Variants in TJP1 observed in about 807,000 individuals in gnomAD.
The protein encoded by TJP1 is tight junction protein 1.
In TJP1, 43 loss-of-function variants were observed where a neutral mutation model predicts 194.2. That is an observed-to-expected ratio of 0.22 (90% confidence interval 0.17 to 0.29). TJP1 has a LOEUF of 0.29. Ranked by LOEUF, TJP1 falls within the 10% of genes least tolerant of loss-of-function variation. The probability of loss-of-function intolerance (pLI) is 1.00; values close to 1 mark genes in which losing one functional copy is unlikely to be tolerated. For synonymous variants in TJP1, 801 were observed against 779.0 expected (o/e 1.03, Z -0.47); for missense variants, 1,971 against 2,185.7 (o/e 0.90, Z 1.96).
chr15:29,793,504 G>A (rs183041356), intron 2 of TJP1, among the ~76,000 whole-genome samples: 2 of 152,268 alleles, frequency 1.3e-5, no homozygotes, highest in Admixed American at 1.3e-4. Context: ...CTATTCTGCA[G>A]GCTGTACAGC....
In TJP1 at chr15:29,935,443, G is replaced by A. The variant is rs1013081094; in HGVS notation, c.306+20789C>T. On this transcript the variant is annotated intron_variant, in intron 2 of 28. Coordinates refer to the TJP1 transcript ENST00000356107. Reference sequence around the variant, plus strand: ...AGGTGCTGGTAGCTTTAGAAATGTCGCCGGAGCAGCATGAAATTAGCCATG... The same window carrying A: ...AGGTGCTGGTAGCTTTAGAAATGTCACCGGAGCAGCATGAAATTAGCCATG... Among the ~76,000 whole-genome samples, 14 of 151,980 alleles carry A rather than the reference G, an allele frequency of 9.2e-5. No homozygotes were observed. In the East Asian group the frequency reaches 1.5e-3, roughly 17 times the overall value.
At chr15:29,853,374 G>A (rs1426608351) in intron 2 of TJP1, among the ~76,000 whole-genome samples, 1 of 152,166 alleles carries the variant, frequency 6.6e-6, no homozygotes, top group African/African-American at 2.4e-5. Context: ...AGGTGATACT[G>A]TACAGAACTT....
At position 29,719,993 on chromosome 15, in the gene TJP1, G is replaced by C; in HGVS notation, c.2787C>G (p.Val929=). The change falls in exon 20 of 28, where the codon GTC becomes GTG. Residue 929 remains valine, a synonymous_variant. Transcript: ENST00000614355. ...SQQKAEASSP[V]PYLSPETNPA... is the part of the protein sequence containing the mutation. ...GGTTTGTTTCAGGCGAAAGGTAAGGGACTGGAGATGAAGCTTCTGCTTTCT... is the reference window on the plus strand; with the variant it reads ...GGTTTGTTTCAGGCGAAAGGTAAGGCACTGGAGATGAAGCTTCTGCTTTCT... 6.2e-7 allele frequency: 1 copy of C among 1,611,264 alleles called. No individual in the cohort carries two copies. Among genetic ancestry groups the C allele is most frequent in the Non-Finnish European group, 8.5e-7 (1 of 1,179,136 alleles).
chr15:29,854,850 A>T (rs905425751), intron 2 of TJP1, among the ~76,000 whole-genome samples: 4 of 152,316 alleles, frequency 2.6e-5, no homozygotes, highest in East Asian at 1.9e-4. Context: ...CTGGCCTTGA[A>T]TTCAGAATAA....
At chr15:29,822,477 G>T (rs1333580158), upstream of TJP1, 24 of 984,772 alleles carry the variant, frequency 2.4e-5, no homozygotes, top group African/African-American at 1.8e-5. Flanking sequence ...ACGCAAACCT[G>T]CCGGCCCGGC....
At chr15:29,823,600 G>A (rs1286545862), upstream of TJP1, 3 of 152,158 alleles carry the variant, frequency 2.0e-5, no homozygotes, top group South Asian at 2.1e-4. Context: ...AGTATGTGTA[G>A]GTGATACATA....
intron 2 of TJP1, among the ~76,000 whole-genome samples, chr15:29,932,096 G>C (rs1400630515): frequency 6.6e-6 from 1 of 152,120 alleles, no homozygotes; most frequent in East Asian, 1.9e-4. Flanking sequence ...TGTATCTTGT[G>C]CTGTCTCCTG....
Position 29,811,718 on chromosome 15 carries a change from A to T in TJP1, c.27+10284T>A, listed in dbSNP as rs182026997. Among the ~76,000 whole-genome samples the T allele has an allele frequency of 6.0e-5, 9 of 150,766 alleles. No individual in the cohort carries two copies. In the Admixed American group the frequency reaches 6.0e-4, roughly 10 times the overall value. On this transcript the variant is annotated intron_variant, in intron 1 of 27. Transcript: ENST00000614355. ...CAAGGAACCTTCCTCTGAAACCATAAAACATCTTGCTGGGCTGAAACTACT... is the reference window on the plus strand; with the variant it reads ...CAAGGAACCTTCCTCTGAAACCATATAACATCTTGCTGGGCTGAAACTACT...
chr15:29,930,965 G>A (rs1445944803), intron 2 of TJP1, among the ~76,000 whole-genome samples: 2 of 152,134 alleles, frequency 1.3e-5, no homozygotes, highest in South Asian at 2.1e-4. Flanking sequence ...AGCGTTAGGA[G>A]TGCTGACCTT....
At chr15:29,875,785 C>T (rs1447017027) in intron 2 of TJP1, among the ~76,000 whole-genome samples, 1 of 152,048 alleles carries the variant, frequency 6.6e-6, no homozygotes, top group African/African-American at 2.4e-5. Context: ...AGGCTGGTCT[C>T]GAACCCCTGA....
intron 1 of TJP1, among the ~76,000 whole-genome samples, chr15:29,803,502 T>C (rs1328245018): frequency 1.3e-5 from 2 of 152,162 alleles, no homozygotes; most frequent in Non-Finnish European, 2.9e-5. Context: ...TTGGGTGTAT[T>C]AAATGCATTT....
chr15:29,745,694 T>C (rs1396847866), intron 8 of TJP1, among the ~76,000 whole-genome samples: 2 of 152,162 alleles, frequency 1.3e-5, no homozygotes, highest in African/African-American at 2.4e-5. Flanking sequence ...ACCAGCACAG[T>C]ACATGAAATC....
intron 8 of TJP1, among the ~76,000 whole-genome samples, chr15:29,748,042 A>G (rs1232768300): frequency 6.6e-6 from 1 of 152,208 alleles, no homozygotes; most frequent in East Asian, 1.9e-4. Context: ...CTACCAAAAG[A>G]TGGAGGCATT....
chr15:29,773,495 G>C, intron 2 of TJP1, 138 bp from the exon 3 acceptor site: 1 of 755,676 alleles, frequency 1.3e-6, no homozygotes, highest in Non-Finnish European at 2.1e-6. Flanking sequence ...CACCTGCATG[G>C]TTACCTATTA....
In TJP1 at chr15:29,895,401, T is replaced by C. The variant is rs571691584; in HGVS notation, c.306+60831A>G. ...ATCCTATTTCATTGCTCATAAGTTC[T>C]ACCTTCCACAAAATGTGAGGACCCA... On this transcript the variant is annotated intron_variant, in intron 2 of 28. Coordinates refer to the TJP1 transcript ENST00000356107. Among the ~76,000 whole-genome samples, 378 of 152,382 alleles carry C rather than the reference T, an allele frequency of 2.5e-3. 3 individuals carry two copies. The highest frequency in any genetic ancestry group is 6.8e-3 in the Middle Eastern group (2 of 294).
chr15:29,941,409 G>A (rs538555466), intron 2 of TJP1, among the ~76,000 whole-genome samples: 2 of 152,122 alleles, frequency 1.3e-5, no homozygotes, highest in African/African-American at 4.8e-5. Flanking sequence ...AAAATGGTCT[G>A]TGCTCCTCAC....
intron 2 of TJP1, among the ~76,000 whole-genome samples, chr15:29,933,646 C>G (rs1023564713): frequency 6.6e-6 from 1 of 151,928 alleles, no homozygotes; most frequent in Non-Finnish European, 1.5e-5. Flanking sequence ...ACACAGTCAA[C>G]AAATCTGGCC....
chr15:29,759,529 G>A (rs1304444182), intron 8 of TJP1: 1 of 152,088 alleles, frequency 6.6e-6, no homozygotes. Flanking sequence ...TCAAGTATAC[G>A]TTATTAACTC....
In TJP1 at chr15:29,726,904, G is replaced by A. The variant is rs576399888; in HGVS notation, c.2188C>T (p.Pro730Ser). ...QWYPIVVFLNPDSKQGVKTMR... is the reference protein window; with the variant it reads ...QWYPIVVFLNSDSKQGVKTMR... ...GTTTTTACTCCTTGCTTAGAATCAG[G>A]GTTAAGAAATACAACAATTGGATAC... Residue 730 changes from proline to serine, a missense_variant, in exon 17 of 28, where the codon CCT becomes TCT. Pro to Ser is a moderately conservative substitution (Grantham distance 74, BLOSUM62 -1). Transcript: ENST00000614355. 2 of 1,614,070 alleles carry A rather than the reference G, an allele frequency of 1.2e-6. No homozygotes were observed. Among genetic ancestry groups the A allele is most frequent in the East Asian group, 4.5e-5 (2 of 44,870 alleles).
Sources: allele counts gnomAD v4.1 joint callset (sites outside exome capture counted in the v4.1 genomes callset), GRCh38; gene constraint gnomAD v4.1.1; transcripts MANE v1.5; gene names NCBI Gene and HGNC (gene_info 2026-07-23, HGNC 2026-07-21).